Variants in ATP10B observed in about 807,000 individuals in gnomAD.
The protein encoded by ATP10B is phospholipid-transporting ATPase VB.
In ATP10B, 122 loss-of-function variants were observed where a neutral mutation model predicts 141.2. That is an observed-to-expected ratio of 0.86 (90% CI 0.75 to 1.00). The LOEUF (loss-of-function observed/expected upper bound fraction) is 1.00, where lower values mean the gene tolerates loss of function less well. Among genes scored for constraint, ATP10B ranks in the 50% least tolerant of loss-of-function variants. The probability of loss-of-function intolerance (pLI) is 0.00; values close to 1 mark genes in which losing one functional copy is unlikely to be tolerated. For missense variants in ATP10B, 1,876 were observed against 1,825.3 expected (o/e 1.03, Z -0.51); for synonymous variants, 685 against 692.0 (o/e 0.99, Z 0.16).
intron 2 of ATP10B, among the ~76,000 whole-genome samples, chr5:160,730,460 C>T (rs1005284549): frequency 2.0e-5 from 3 of 152,036 alleles, no homozygotes; most frequent in African/African-American, 7.3e-5. Context: ...GTGCTTCCCC[C>T]CGACCCCACC....
intron 7 of ATP10B, among the ~76,000 whole-genome samples, chr5:160,665,374 C>A (rs540583898): frequency 3.3e-5 from 5 of 152,300 alleles, no homozygotes; most frequent in Middle Eastern, 6.8e-3. Flanking sequence ...CTGTTGTGAC[C>A]ATGTCTGTAC....
At chr5:160,885,548 C>T in the ATP10B span, among the ~76,000 whole-genome samples, 1 of 152,118 alleles carries the variant, frequency 6.6e-6, no homozygotes, top group Non-Finnish European at 1.5e-5. Flanking sequence ...AAATAGGAGT[C>T]TTTGTTGCTG....
the ATP10B span, among the ~76,000 whole-genome samples, chr5:160,914,853 C>G: frequency 1.3e-5 from 2 of 152,186 alleles, no homozygotes; most frequent in Admixed American, 1.3e-4. Flanking sequence ...AAATTCCTCT[C>G]CGAGTTCAGA....
the ATP10B span, among the ~76,000 whole-genome samples, chr5:160,885,852 A>G: frequency 1.3e-5 from 2 of 152,166 alleles, no homozygotes; most frequent in African/African-American, 4.8e-5. Flanking sequence ...AGCTTTTTGC[A>G]TTTCCTACTT....
chr5:160,824,036 T>A (rs1774385322), intron 1 of ATP10B, among the ~76,000 whole-genome samples: 1 of 152,116 alleles, frequency 6.6e-6, no homozygotes, highest in South Asian at 2.1e-4. Context: ...TTTTTCTTTT[T>A]TTTGAGACGG....
chr5:160,665,509 T>C (rs935406279), intron 7 of ATP10B, among the ~76,000 whole-genome samples: 2 of 152,250 alleles, frequency 1.3e-5, no homozygotes, highest in African/African-American at 4.8e-5. Context: ...AACAGGCCTA[T>C]TGACTCCAGG....
chr5:160,843,900 G>A (rs1044969562), intron 1 of ATP10B, among the ~76,000 whole-genome samples: 1 of 151,630 alleles, frequency 6.6e-6, no homozygotes, highest in African/African-American at 2.4e-5. Flanking sequence ...ATACTTTTCT[G>A]TAATTTATTT....
chr5:160,869,116 T>C, the ATP10B span, among the ~76,000 whole-genome samples: 1 of 152,186 alleles, frequency 6.6e-6, no homozygotes, highest in African/African-American at 2.4e-5. Context: ...ACATAGTTAT[T>C]ATAAATTATG....
chr5:160,917,765 A>G, the ATP10B span, among the ~76,000 whole-genome samples: 1 of 151,850 alleles, frequency 6.6e-6, no homozygotes, highest in African/African-American at 2.4e-5. Flanking sequence ...ACAAGCCACA[A>G]CTCTGCTGGC....
the ATP10B span, among the ~76,000 whole-genome samples, chr5:160,862,058 C>T: frequency 6.6e-6 from 1 of 151,870 alleles, no homozygotes; most frequent in East Asian, 1.9e-4. Context: ...AAATATCCAG[C>T]CTCATACATA....
intron 2 of ATP10B, among the ~76,000 whole-genome samples, chr5:160,768,318 G>T (rs1212622989): frequency 6.6e-6 from 1 of 152,184 alleles, no homozygotes; most frequent in Non-Finnish European, 1.5e-5. Flanking sequence ...GATTTAGACA[G>T]ATTATGCCAT....
At chr5:160,643,950 C>T (rs1760077377) in intron 9 of ATP10B, among the ~76,000 whole-genome samples, 188 bp downstream of exon 9, 1 of 152,182 alleles carries the variant, frequency 6.6e-6, no homozygotes, top group South Asian at 2.1e-4. Flanking sequence ...GGAATCTCAT[C>T]ATGTCTCCTG....
chr5:160,750,139 A>T (rs1768059369), intron 2 of ATP10B, among the ~76,000 whole-genome samples: 1 of 152,180 alleles, frequency 6.6e-6, no homozygotes. Flanking sequence ...GCTCTTACGT[A>T]CCCCATATTG....
intron 24 of ATP10B, among the ~76,000 whole-genome samples, chr5:160,576,044 T>C (rs1241434091): frequency 6.6e-6 from 1 of 152,186 alleles, no homozygotes; most frequent in African/African-American, 2.4e-5. Flanking sequence ...GAAAGACTGC[T>C]CCTGCTTTCC....
chr5:160,608,300 G>T (rs1417916497), intron 18 of ATP10B, among the ~76,000 whole-genome samples: 1 of 152,162 alleles, frequency 6.6e-6, no homozygotes, highest in Non-Finnish European at 1.5e-5. Flanking sequence ...TGGTGTATAT[G>T]TGCCACATTT....
rs1004440932 is a variant in ATP10B, at chr5:160,563,340, G to C, written c.*2113C>G. ...GAGTAGGTGACCAGTTGTACCAGTT[G>C]CTCCAGTTTCCTAGGATTTGGGACT... On this transcript the variant is annotated 3_prime_UTR_variant, in exon 26 of 26. Transcript: ENST00000327245. The C allele has an allele frequency of 2.0e-5, 3 of 152,136 alleles. No homozygotes were observed. Among genetic ancestry groups the C allele is most frequent in the Non-Finnish European group, 4.4e-5 (3 of 68,038 alleles). 9.4% of individuals were successfully genotyped at this position (152,136 alleles called of 1,614,324 possible).
At chr5:160,618,948 A>C (rs1370769419) in intron 15 of ATP10B, among the ~76,000 whole-genome samples, 2 of 152,216 alleles carry the variant, frequency 1.3e-5, no homozygotes, top group Non-Finnish European at 2.9e-5. Flanking sequence ...TGTAATTCTT[A>C]ACAGAAAAGT....
the ATP10B span, among the ~76,000 whole-genome samples, chr5:160,894,647 G>A: frequency 6.6e-6 from 1 of 152,150 alleles, no homozygotes; most frequent in Non-Finnish European, 1.5e-5. Flanking sequence ...ATTACCAGAA[G>A]AACTTCCCTG....
At chr5:160,874,219 C>T in the ATP10B span, among the ~76,000 whole-genome samples, 1 of 149,478 alleles carries the variant, frequency 6.7e-6, no homozygotes, top group East Asian at 2.0e-4. Context: ...TCAAGTGGGT[C>T]CCTGACCCCT....
Sources: allele counts gnomAD v4.1 joint callset (sites outside exome capture counted in the v4.1 genomes callset), GRCh38; gene constraint gnomAD v4.1.1; transcripts MANE v1.5; gene names NCBI Gene and HGNC (gene_info 2026-07-23, HGNC 2026-07-21).